MXRA5: variants seen among roughly 807,000 people sequenced by gnomAD.
MXRA5 encodes the protein matrix remodeling associated 5, also known as matrix-remodeling-associated protein 5.
A neutral mutation model predicts 112.5 loss-of-function variants in MXRA5; 41 were observed. The observed-to-expected ratio is 0.36, with a 90% CI of 0.28 to 0.47. MXRA5 has a LOEUF of 0.47. Among genes scored for constraint, MXRA5 ranks in the 20% least tolerant of loss-of-function variants. The probability of loss-of-function intolerance (pLI) is 0.99; values close to 1 mark genes in which losing one functional copy is unlikely to be tolerated. For missense variants in MXRA5, 2,150 were observed against 2,251.0 expected (o/e 0.96, Z 0.91); for synonymous variants, 862 against 900.8 (o/e 0.96, Z 0.77).
intron 4 of MXRA5, among the ~76,000 whole-genome samples, chrX:3,327,851 C>T (rs961328821): frequency 2.7e-5 from 3 of 112,979 alleles, no homozygotes; most frequent in Non-Finnish European, 5.6e-5. Flanking sequence ...TAATACTTTA[C>T]AATCTTGAGT....
chrX:3,324,081 A>C lies in MXRA5; in HGVS notation c.1604T>G (p.Leu535Arg). The change falls in exon 5 of 7, where the codon CTC (leucine) becomes CGC (arginine). Residue 535 changes from leucine (L) to arginine (R), a missense_variant. Physicochemically the swap from Leu to Arg is moderately radical, Grantham distance 102. This residue lies in a region of MXRA5 where 386 missense variants were observed against 411.0 expected (regional missense o/e 0.94). Transcript: ENST00000217939. ...CTTGATCCTCAGCCAGCCACTGCTG[A>C]GAATGGAGAACTTGCTGTCTGGGTC... The part of the protein sequence containing the change: ...MDDPDSKFSI[L>R]SSGWLRIKSM... The C allele has an allele frequency of 8.3e-7, 1 of 1,208,258 alleles. No individual in the cohort carries two copies. Among genetic ancestry groups the C allele is most frequent in the Non-Finnish European group, 1.1e-6 (1 of 893,698 alleles).
At position 3,309,694 on chromosome X, in the gene MXRA5, C is replaced by G; in HGVS notation, c.*22G>C. The G allele has an allele frequency of 1.7e-6, 2 of 1,186,764 alleles. No homozygotes were observed. Among genetic ancestry groups the G allele is most frequent in the Non-Finnish European group, 2.3e-6 (2 of 877,265 alleles). Reference sequence around the variant, plus strand: ...CCCCGCTTTGTTGTCAGTTCCTAAGCAATCATTCTGGAATCCACATTTCAG... The same window carrying G: ...CCCCGCTTTGTTGTCAGTTCCTAAGGAATCATTCTGGAATCCACATTTCAG... On this transcript the variant is annotated 3_prime_UTR_variant, in exon 7 of 7. Transcript: ENST00000217939.
chrX:3,322,124 T>G lies in MXRA5; in HGVS notation c.3561A>C (p.Ala1187=). The G allele has an allele frequency of 8.3e-7, 1 of 1,205,746 alleles. No individual in the cohort carries two copies. ...CTTGACTTGAAATCTTAATGTCAGG[T>G]GCTTGAGTTGGTTGAGTAGAAAAAG... The part of the protein sequence containing the change: ...SETFSTQPTQ[A]PDIKISSQVE... Residue 1187 remains alanine, a synonymous_variant, in exon 5 of 7, where the codon GCA becomes GCC. Transcript: ENST00000217939.
At position 3,324,078 on chromosome X, in the gene MXRA5, C is replaced by T; in HGVS notation, c.1607G>A (p.Ser536Asn). 1 of 1,207,723 alleles carries T rather than the reference C, an allele frequency of 8.3e-7. No homozygotes were observed. Among genetic ancestry groups the T allele is most frequent in the Non-Finnish European group, 1.1e-6 (1 of 893,424 alleles). The change falls in exon 5 of 7, where the codon AGC becomes AAC. Residue 536 changes from serine (S) to asparagine (N), a missense_variant. This residue lies in a region of MXRA5 where 386 missense variants were observed against 411.0 expected (regional missense o/e 0.94). Transcript: ENST00000217939. ...GGACTTGATCCTCAGCCAGCCACTG[C>T]TGAGAATGGAGAACTTGCTGTCTGG... is the stretch of plus-strand genomic sequence containing the variant. ...DDPDSKFSIL[S>N]SGWLRIKSME...
intron 6 of MXRA5, among the ~76,000 whole-genome samples, chrX:3,316,063 A>C (rs1921111431): frequency 5.4e-5 from 1 of 18,618 alleles, no homozygotes; most frequent in African/African-American, 3.2e-4. Flanking sequence ...CATTGCAGAA[A>C]AAGCACACAC....
At chrX:3,330,622 C>G in intron 3 of MXRA5, 22 bp downstream of exon 3, 1 of 1,202,405 alleles carries the variant, frequency 8.3e-7, no homozygotes, top group African/African-American at 1.8e-5. Flanking sequence ...TTTAGTGACG[C>G]TTATAAATGC....
chrX:3,337,448 C>A (rs1301139406), intron 2 of MXRA5, among the ~76,000 whole-genome samples: 1 of 111,716 alleles, frequency 9.0e-6, no homozygotes, highest in Non-Finnish European at 1.9e-5. Flanking sequence ...TTAGCACGTG[C>A]AAATTTGTCT....
At chrX:3,327,514 A>G (rs1921541732) in intron 4 of MXRA5, among the ~76,000 whole-genome samples, 2 of 112,530 alleles carry the variant, frequency 1.8e-5, no homozygotes, top group Admixed American at 9.4e-5. Context: ...CTGCACTTTT[A>G]GAAAAGATGA....
chrX:3,337,105 G>A (rs753059722), intron 2 of MXRA5, among the ~76,000 whole-genome samples: 4 of 112,223 alleles, frequency 3.6e-5, no homozygotes, highest in South Asian at 3.8e-4. Flanking sequence ...TTGGTTGGCC[G>A]ATGTCTACGG....
intron 4 of MXRA5, among the ~76,000 whole-genome samples, chrX:3,328,322 C>T (rs1451959691): frequency 8.9e-6 from 1 of 112,153 alleles, no homozygotes; most frequent in African/African-American, 3.2e-5. Context: ...AGTTTAGAAG[C>T]TGCAAGGAAC....
chrX:3,318,338 GGT>G (rs751960403), intron 5 of MXRA5, among the ~76,000 whole-genome samples: 25 of 110,597 alleles, frequency 2.3e-4, no homozygotes, highest in African/African-American at 8.2e-4. Context: ...GTAGAGACAT[GGT>G]CTTGCTGTGT....
chrX:3,328,880 G>A (rs192027470), intron 4 of MXRA5, among the ~76,000 whole-genome samples: 36 of 98,955 alleles, frequency 3.6e-4, no homozygotes, highest in African/African-American at 1.3e-3. Flanking sequence ...GCAGGAGGAA[G>A]GAAGGAAGAA....
rs1427284244 is a variant in MXRA5 at position 3,320,343 on chromosome X, T to A, written c.5342A>T (p.Asp1781Val). The change falls in exon 5 of 7, where the codon GAC becomes GTC. Residue 1781 changes from aspartate (D) to valine (V), a missense_variant. Around this residue, in one of 6 missense-constraint regions of MXRA5, gnomAD observed 1,485 missense variants for 1,471.6 expected, o/e 1.01. Transcript: ENST00000217939. Reference protein sequence around the residue: ...RIHSHSTFHLDFGPPAPPLLH... With the variant: ...RIHSHSTFHLVFGPPAPPLLH... ...CAACGGAGGTGCCGGAGGGCCAAAG[T>A]CCAGATGGAAGGTGCTATGGGAATG... 2.9e-5 allele frequency: 35 copies of A among 1,210,067 alleles called. No individual in the cohort carries two copies. Among genetic ancestry groups the A allele is most frequent in the Non-Finnish European group, 3.4e-5 (30 of 895,228 alleles).
At position 3,320,850 on chromosome X, in the gene MXRA5, G is replaced by A. The variant is rs770759002; in HGVS notation, c.4835C>T (p.Pro1612Leu). The A allele has an allele frequency of 2.5e-6, 3 of 1,211,714 alleles. No homozygotes were observed. Among genetic ancestry groups the A allele is most frequent in the Non-Finnish European group, 3.3e-6 (3 of 895,524 alleles). The stretch of plus-strand genomic sequence containing the variant: ...CCTCACTGTTGCTGTTGGTAGGATG[G>A]GTTTGGCAGGGACTCTGGTTAGTTG... ...SHQLTRVPAKPILPTATVRLP... is the reference protein window; with the variant it reads ...SHQLTRVPAKLILPTATVRLP... Residue 1612 changes from proline to leucine, a missense_variant, in exon 5 of 7, where the codon CCC becomes CTC. Transcript: ENST00000217939.
intron 2 of MXRA5, among the ~76,000 whole-genome samples, chrX:3,339,720 T>A (rs1921871355): frequency 9.0e-6 from 1 of 111,691 alleles, no homozygotes; most frequent in Admixed American, 9.6e-5. Flanking sequence ...CATGTCCCCT[T>A]CTTGCATCCT....
At chrX:3,316,268 A>T (rs111601760) in intron 6 of MXRA5, among the ~76,000 whole-genome samples, 1 of 87,436 alleles carries the variant, frequency 1.1e-5, no homozygotes, top group Non-Finnish European at 2.2e-5. Flanking sequence ...GAGCCAAGAT[A>T]GTGCCACTGC....
intron 2 of MXRA5, among the ~76,000 whole-genome samples, chrX:3,337,336 A>G (rs1157255477): frequency 1.8e-5 from 2 of 112,066 alleles, no homozygotes; most frequent in Non-Finnish European, 3.8e-5. Flanking sequence ...TTTGTTCTCT[A>G]TAGAGATGAT....
rs376516887 is a variant in MXRA5, at chrX:3,310,127, G to A, written c.8076C>T (p.Asp2692=). The part of the protein sequence containing the change: ...PQTLGRVSLL[D]NGTLTVREAS... ...CCTCACGAACCGTGAGGGTGCCATTGTCCAGAAGAGAAACGCGTCCCAGGG... is the reference window on the plus strand; with the variant it reads ...CCTCACGAACCGTGAGGGTGCCATTATCCAGAAGAGAAACGCGTCCCAGGG... Residue 2692 remains aspartate, a synonymous_variant, in exon 7 of 7, where the codon GAC becomes GAT. Coordinates refer to ENST00000217939, the MANE Select transcript of MXRA5 (RefSeq NM_015419.4). The A allele has an allele frequency of 1.7e-6, 2 of 1,209,788 alleles. No homozygotes were observed. The highest frequency in any genetic ancestry group is 3.0e-5 in the East Asian group (1 of 33,730).
chrX:3,314,859 C>T (rs1344059380), intron 6 of MXRA5, among the ~76,000 whole-genome samples: 1 of 107,735 alleles, frequency 9.3e-6, no homozygotes, highest in Admixed American at 1.0e-4. Context: ...TTGTAAACAA[C>T]TGCCATAGAC....
Sources: gnomAD v4.1 joint callset for allele counts (sites outside exome capture counted in the v4.1 genomes callset) on GRCh38, gnomAD v4.1.1 for gene constraint, gnomAD v4.1.1 regional missense constraint, MANE v1.5 for transcripts, NCBI Gene and HGNC (gene_info 2026-07-23, HGNC 2026-07-21) for gene names.